Variants in TTC39C observed in about 807,000 individuals in gnomAD.
TTC39C encodes tetratricopeptide repeat domain 39C, also known as tetratricopeptide repeat protein 39C.
Under a neutral mutation model 76.3 loss-of-function variants are expected in TTC39C, and 33 were observed. That is an observed-to-expected ratio of 0.43 (90% CI 0.33 to 0.58). TTC39C has a LOEUF of 0.58. Ranked by LOEUF, TTC39C falls within the 20% of genes least tolerant of loss-of-function variation. The pLI is 0.04. For synonymous variants in TTC39C, 254 were observed against 260.6 expected, an observed-to-expected ratio of 0.97 and a Z score of 0.24; for missense variants, 595 against 701.4, an observed-to-expected ratio of 0.85 and a Z score of 1.71.
intron 6 of TTC39C, among the ~76,000 whole-genome samples, chr18:24,107,286 AACAC>A (rs10609672): frequency 1.2e-3 from 183 of 150,020 alleles, no homozygotes; most frequent in East Asian, 9.4e-3. Flanking sequence ...ATCCTTCTCT[AACAC>A]ACACACACAC....
intron 1 of TTC39C, among the ~76,000 whole-genome samples, chr18:24,023,971 TATATATATACATATATATATATATA>T (rs2083555407): frequency 2.2e-4 from 3 of 13,496 alleles, no homozygotes; most frequent in East Asian, 2.7e-3. Flanking sequence ...TATATATATA[TATATATATACATATATATATATATA>T]TATATATATA....
At chr18:24,043,806 T>C (rs773602101) in intron 1 of TTC39C, among the ~76,000 whole-genome samples, 1 of 152,214 alleles carries the variant, frequency 6.6e-6, no homozygotes, top group Admixed American at 6.5e-5. Flanking sequence ...GTTCTTGGGA[T>C]GGAGAAAATC....
At chr18:24,048,441 C>CT (rs542562999) in intron 1 of TTC39C, among the ~76,000 whole-genome samples, 22 of 152,192 alleles carry the variant, frequency 1.4e-4, no homozygotes, top group South Asian at 4.1e-4. Flanking sequence ...TATGCCCTGC[C>CT]TTTTTTTGCA....
intron 4 of TTC39C, among the ~76,000 whole-genome samples, chr18:24,071,825 T>A (rs1418984541): frequency 6.6e-6 from 1 of 152,230 alleles, no homozygotes; most frequent in Non-Finnish European, 1.5e-5. Flanking sequence ...TAGTTTGATA[T>A]TATTGTTACT....
intron 6 of TTC39C, among the ~76,000 whole-genome samples, chr18:24,092,727 A>G (rs2084540111): frequency 6.6e-6 from 1 of 152,200 alleles, no homozygotes; most frequent in African/African-American, 2.4e-5. Context: ...GTGTGGAGGT[A>G]GGTGAGGGAA....
chr18:24,113,286 A>G, intron 6 of TTC39C: 1 of 413,194 alleles, frequency 2.4e-6, no homozygotes, highest in Non-Finnish European at 4.4e-6. Flanking sequence ...CCCGAGTCAC[A>G]GGCTGTCCTG....
intron 11 of TTC39C, among the ~76,000 whole-genome samples, chr18:24,129,411 G>A (rs939530662): frequency 3.3e-5 from 5 of 152,028 alleles, no homozygotes; most frequent in African/African-American, 9.7e-5. Flanking sequence ...CGAGAGAGTT[G>A]TTTTTTTGTT....
intron 1 of TTC39C, among the ~76,000 whole-genome samples, chr18:24,026,437 G>A (rs1214644398): frequency 1.3e-5 from 2 of 152,180 alleles, no homozygotes; most frequent in East Asian, 1.9e-4. Context: ...TGAGGAAATA[G>A]GGTCAGATGC....
At chr18:24,078,418 C>T (rs1010089195) in intron 4 of TTC39C, among the ~76,000 whole-genome samples, 1 of 152,188 alleles carries the variant, frequency 6.6e-6, no homozygotes, top group Non-Finnish European at 1.5e-5. Context: ...AGCTAAATTA[C>T]GTTGCAGTCT....
chr18:24,001,018 T>C (rs1423278812), intron 1 of TTC39C, among the ~76,000 whole-genome samples: 1 of 150,796 alleles, frequency 6.6e-6, no homozygotes, highest in East Asian at 2.0e-4. Flanking sequence ...GTCCACCCAA[T>C]TTTGAGATTC....
intron 1 of TTC39C, among the ~76,000 whole-genome samples, chr18:24,009,408 A>G (rs1032800786): frequency 6.6e-6 from 1 of 152,190 alleles, no homozygotes; most frequent in African/African-American, 2.4e-5. Flanking sequence ...ACAAGTCAGT[A>G]GACAGACAAG....
At chr18:24,070,584 C>T (rs1408717187) in intron 4 of TTC39C, among the ~76,000 whole-genome samples, 4 of 152,176 alleles carry the variant, frequency 2.6e-5, no homozygotes, top group Non-Finnish European at 5.9e-5. Flanking sequence ...TTGGCTCACA[C>T]TTGTAATCCC....
chr18:24,131,970 A>G (rs1461971060), intron 13 of TTC39C, 50 bp downstream of exon 13: 1 of 1,528,388 alleles, frequency 6.5e-7, no homozygotes, highest in Non-Finnish European at 8.9e-7. Flanking sequence ...TATCCCATAC[A>G]CTGTATACCT....
intron 1 of TTC39C, among the ~76,000 whole-genome samples, chr18:24,005,854 A>AC (rs1229428650): frequency 2.0e-5 from 3 of 151,858 alleles, no homozygotes; most frequent in Non-Finnish European, 4.4e-5. Context: ...CAAAAAAAAA[A>AC]AAACAAAAAA....
chr18:24,083,185 C>A, intron 6 of TTC39C, 104 bp downstream of exon 6: 1 of 1,202,124 alleles, frequency 8.3e-7, no homozygotes, highest in East Asian at 2.6e-5. Context: ...TCCCAGGGCC[C>A]CGGAGCATTT....
At chr18:24,041,233 A>G (rs1443590653) in intron 1 of TTC39C, among the ~76,000 whole-genome samples, 1 of 152,220 alleles carries the variant, frequency 6.6e-6, no homozygotes, top group Non-Finnish European at 1.5e-5. Context: ...AAGCACAGCT[A>G]ATGATAGCAT....
chr18:24,094,497 T>C (rs1320611142), intron 6 of TTC39C, among the ~76,000 whole-genome samples: 2 of 152,252 alleles, frequency 1.3e-5, no homozygotes, highest in Non-Finnish European at 2.9e-5. Context: ...GAGGAAGCCA[T>C]GTCTATGGCA....
upstream of TTC39C, among the ~76,000 whole-genome samples, chr18:24,013,974 C>G (rs964586087): frequency 9.9e-5 from 15 of 152,260 alleles, no homozygotes; most frequent in Admixed American, 2.6e-4. Context: ...AATATTTGGG[C>G]ACATGGCATA....
At chr18:24,091,055 C>T (rs2145775303) in intron 6 of TTC39C, among the ~76,000 whole-genome samples, 1 of 152,288 alleles carries the variant, frequency 6.6e-6, no homozygotes, top group East Asian at 1.9e-4. Flanking sequence ...TCTCTGTCCG[C>T]CTCGGCCTCC....
Sources: allele counts gnomAD v4.1 joint callset (sites outside exome capture counted in the v4.1 genomes callset), GRCh38; gene constraint gnomAD v4.1.1; transcripts MANE v1.5; gene names NCBI Gene and HGNC (gene_info 2026-07-23, HGNC 2026-07-21).